GAN: variants seen among roughly 807,000 people sequenced by gnomAD.
GAN encodes epididymis secretory sperm binding protein.
GAN carries 48 observed loss-of-function variants against 71.3 expected under a neutral mutation model. The observed-to-expected ratio is 0.67, with a 90% CI of 0.53 to 0.86. The LOEUF (loss-of-function observed/expected upper bound fraction) is 0.86, where lower values mean the gene tolerates loss of function less well. GAN is among the 40% of genes least tolerant of loss of function. GAN has a pLI of 0.00. For synonymous variants in GAN, 386 were observed against 276.8 expected (o/e 1.39, Z -3.92); for missense variants, 928 against 770.1 (o/e 1.21, Z -2.43).
intron 1 of GAN, among the ~76,000 whole-genome samples, chr16:81,338,062 G>A (rs1909823346): frequency 2.0e-5 from 3 of 152,194 alleles, no homozygotes; most frequent in Non-Finnish European, 4.4e-5. Flanking sequence ...TCTGTTTACA[G>A]ATCAGCAGAC....
chr16:81,369,203 A>G (rs2150694131), intron 9 of GAN, among the ~76,000 whole-genome samples: 1 of 152,362 alleles, frequency 6.6e-6, no homozygotes, highest in South Asian at 2.1e-4. Flanking sequence ...CATACTTGAC[A>G]ACTGGCAAAA....
At chr16:81,344,536 A>T (rs1910052341) in intron 1 of GAN, among the ~76,000 whole-genome samples, 1 of 152,170 alleles carries the variant, frequency 6.6e-6, no homozygotes, top group Admixed American at 6.5e-5. Context: ...TTAATAAATC[A>T]TGCTGGGAAA....
At chr16:81,338,393 A>G (rs1176160414) in intron 1 of GAN, among the ~76,000 whole-genome samples, 1 of 152,186 alleles carries the variant, frequency 6.6e-6, no homozygotes, top group African/African-American at 2.4e-5. Flanking sequence ...TCACTCAAGG[A>G]AAAAATGATC....
chr16:81,352,857 C>G (rs1391412963), intron 2 of GAN, among the ~76,000 whole-genome samples: 1 of 152,200 alleles, frequency 6.6e-6, no homozygotes, highest in Non-Finnish European at 1.5e-5. Flanking sequence ...TCTCCTCCAC[C>G]TTGTAAAGTC....
chr16:81,346,398 A>G (rs1910119649), intron 1 of GAN, among the ~76,000 whole-genome samples: 1 of 53,388 alleles, frequency 1.9e-5, no homozygotes, highest in Admixed American at 1.8e-4. Context: ...GGACTGGGCC[A>G]TGGCCTTAGG....
At chr16:81,372,650 A>G (rs545458246) in intron 9 of GAN, among the ~76,000 whole-genome samples, 1 of 152,326 alleles carries the variant, frequency 6.6e-6, no homozygotes, top group Admixed American at 6.5e-5. Flanking sequence ...CTGGTAGATC[A>G]TCTATGTAGT....
intron 9 of GAN, among the ~76,000 whole-genome samples, chr16:81,369,322 A>G (rs1156602600): frequency 6.6e-6 from 1 of 152,190 alleles, no homozygotes; most frequent in South Asian, 2.1e-4. Flanking sequence ...ACCAGAAACA[A>G]TACTGCATCC....
At chr16:81,370,004 C>G (rs1174883204) in intron 9 of GAN, among the ~76,000 whole-genome samples, 1 of 152,198 alleles carries the variant, frequency 6.6e-6, no homozygotes, top group Non-Finnish European at 1.5e-5. Flanking sequence ...AGTTCCCAAC[C>G]TTAGTATGGC....
chr16:81,364,948 C>A, intron 7 of GAN, 26 bp from the exon 8 acceptor site: 1 of 1,612,120 alleles, frequency 6.2e-7, no homozygotes, highest in Non-Finnish European at 8.5e-7. Flanking sequence ...TGTTGCCTCT[C>A]CCCCACCATT....
At chr16:81,354,283 C>T (rs962634879) in intron 2 of GAN, 122 bp from the exon 3 acceptor site, 11 of 714,732 alleles carry the variant, frequency 1.5e-5, no homozygotes, top group Non-Finnish European at 2.6e-5. Context: ...ATGAAATTGC[C>T]AATATTCGAT....
chr16:81,317,649 G>T (rs1388214010), intron 1 of GAN, among the ~76,000 whole-genome samples: 2 of 152,222 alleles, frequency 1.3e-5, no homozygotes, highest in Non-Finnish European at 1.5e-5. Flanking sequence ...AGTACTTAAT[G>T]GTTGAACTAG....
rs1444663172 is a variant in GAN, at chr16:81,388,664, C to G, written c.*11068C>G. 2 of 152,488 alleles carry G rather than the reference C, an allele frequency of 1.3e-5. No homozygotes were observed. Among genetic ancestry groups the G allele is most frequent in the African/African-American group, 4.8e-5 (2 of 41,480 alleles). The allele number at this position is 152,488 out of a possible 1,614,324, so 9.4% of individuals were successfully genotyped here. On this transcript the variant is annotated 3_prime_UTR_variant, in exon 11 of 11. Coordinates refer to ENST00000648994, the MANE Select transcript of GAN (RefSeq NM_022041.4). ...CTCGGCCCGGTGGCCTCTTGTGTGA[C>G]AGGCCCTCTGCCATGTCTGTCCGCA... is the stretch of plus-strand genomic sequence containing the variant.
chr16:81,367,540 G>A lies in GAN; in HGVS notation c.1502+2062G>A, dbSNP rs139614503. On this transcript the variant is annotated intron_variant, in intron 9 of 10. Coordinates refer to ENST00000648994, the MANE Select transcript of GAN (RefSeq NM_022041.4). ...CGAGACCCTGTCTCTAAATAAATAAGAGCACTTCCAAATAAAATTAATGTA... is the reference window on the plus strand; with the variant it reads ...CGAGACCCTGTCTCTAAATAAATAAAAGCACTTCCAAATAAAATTAATGTA... Among the ~76,000 whole-genome samples, 1,077 of 152,124 alleles carry A rather than the reference G, an allele frequency of 7.1e-3. 13 individuals are homozygous for A. The highest frequency in any genetic ancestry group is 0.024 in the African/African-American group (1,016 of 41,494).
chr16:81,376,912 A>G (rs772491685), intron 9 of GAN, among the ~76,000 whole-genome samples: 20 of 152,214 alleles, frequency 1.3e-4, no homozygotes, highest in Non-Finnish European at 2.9e-4. Context: ...GCTTAGAAAT[A>G]AACAGAAATG....
At position 81,377,216 on chromosome 16, in the gene GAN, C is replaced by T. The variant is rs1412516650; in HGVS notation, c.1503-3C>T. On this transcript the variant is annotated splice_region_variant and splice_polypyrimidine_tract_variant and intron_variant, in intron 9 of 10. Coordinates refer to ENST00000648994, the MANE Select transcript of GAN (RefSeq NM_022041.4). ...TAATTTTGTGCATGGGCTTTGTTTT[C>T]AGGTGGATCTATCTTAACGACCAGA... 1.3e-6 allele frequency: 2 copies of T among 1,563,318 alleles called. No individual in the cohort carries two copies. The highest frequency in any genetic ancestry group is 1.8e-6 in the Non-Finnish European group (2 of 1,133,836).
intron 4 of GAN, among the ~76,000 whole-genome samples, chr16:81,357,254 C>G (rs929181517): frequency 1.3e-5 from 2 of 152,130 alleles, no homozygotes; most frequent in Non-Finnish European, 2.9e-5. Flanking sequence ...TATCCCTCCC[C>G]TCTCCCTCCA....
intron 9 of GAN, among the ~76,000 whole-genome samples, chr16:81,365,686 G>C (rs1910832368): frequency 6.6e-6 from 1 of 150,650 alleles, no homozygotes; most frequent in Non-Finnish European, 1.5e-5. Context: ...CTAATATGTA[G>C]ATGAGATCTT....
Position 81,363,801 on chromosome 16 carries a change from ATAACT to A in GAN, c.1096_1100del (p.Asn366ArgfsTer18), listed in dbSNP as rs1567495405. On this transcript the variant is annotated frameshift_variant, in exon 7 of 11. Coordinates refer to ENST00000648994, the MANE Select transcript of GAN (RefSeq NM_022041.4). LOFTEE classifies it high-confidence loss of function. ...TCGCTAATGTAATTTCAGGCAAGACATAACTTCGGAATTGTGGAGATAGATGGGAT... is the reference window on the plus strand; with the variant it reads ...TCGCTAATGTAATTTCAGGCAAGACATCGGAATTGTGGAGATAGATGGGAT... The A allele has an allele frequency of 6.2e-7, 1 of 1,613,840 alleles. No individual in the cohort carries two copies. The highest frequency in any genetic ancestry group is 1.1e-5 in the South Asian group (1 of 91,072).
At position 81,384,959 on chromosome 16, in the gene GAN, T is replaced by G. The variant is rs1904357863; in HGVS notation, c.*7363T>G. 1 of 154,250 alleles carries G rather than the reference T, an allele frequency of 6.5e-6. No homozygotes were observed. Among genetic ancestry groups the G allele is most frequent in the South Asian group, 2.0e-4 (1 of 4,906 alleles). 9.6% of individuals were successfully genotyped at this position (154,250 alleles called of 1,614,324 possible). The stretch of plus-strand genomic sequence containing the variant: ...AGTTTCAGGGCACAGTTGTACACAT[T>G]CTACTTAAATGGAGGAGTTCAGTGA... On this transcript the variant is annotated 3_prime_UTR_variant, in exon 11 of 11. Transcript: ENST00000648994.
Sources: gnomAD v4.1 joint callset for allele counts (sites outside exome capture counted in the v4.1 genomes callset) on GRCh38, gnomAD v4.1.1 for gene constraint, MANE v1.5 for transcripts, NCBI Gene and HGNC (gene_info 2026-07-23, HGNC 2026-07-21) for gene names.